LRP11: variants seen among roughly 807,000 people sequenced by gnomAD.
The protein encoded by LRP11 is LDL receptor related protein 11.
LRP11 carries 25 observed loss-of-function variants against 43.1 expected under a neutral mutation model. That is an observed-to-expected ratio of 0.58 (90% confidence interval 0.42 to 0.81). LRP11 has a LOEUF of 0.81. LRP11 is among the 30% of genes least tolerant of loss of function. The probability of loss-of-function intolerance (pLI) is 0.00; values close to 1 mark genes in which losing one functional copy is unlikely to be tolerated. For synonymous variants in LRP11, 316 were observed against 299.4 expected (o/e 1.06, Z -0.57); for missense variants, 623 against 665.1 (o/e 0.94, Z 0.70).
chr6:149,829,955 A>G (rs1776386809), intron 5 of LRP11, among the ~76,000 whole-genome samples: 1 of 151,924 alleles, frequency 6.6e-6, no homozygotes, highest in Non-Finnish European at 1.5e-5. Context: ...TTATATTTAC[A>G]TATAATATCT....
rs552455856 is a variant in LRP11, at chr6:149,820,855, G to T, written c.1349-152C>A. The T allele has an allele frequency of 1.9e-4, 99 of 532,722 alleles. No homozygotes were observed. In the Middle Eastern group the frequency reaches 1.9e-3, roughly 10 times the overall value. The allele number at this position is 532,722 out of a possible 1,614,324, so 33.0% of individuals were successfully genotyped here. A position where few individuals can be genotyped will look rare whatever the true frequency, so the allele number is the denominator to read the frequency against. Reference sequence around the variant, plus strand: ...ATCACTATTTTGCAGATTAACTAAGGTGTACCAAGGTTAAGTAATTTGCTT... The same window carrying T: ...ATCACTATTTTGCAGATTAACTAAGTTGTACCAAGGTTAAGTAATTTGCTT... On this transcript the variant is annotated intron_variant, in intron 6 of 6. Transcript: ENST00000239367.
chr6:149,851,329 A>C (rs1484115208), intron 2 of LRP11, among the ~76,000 whole-genome samples: 1 of 152,170 alleles, frequency 6.6e-6, no homozygotes, highest in Non-Finnish European at 1.5e-5. Flanking sequence ...CCAAAGCTTA[A>C]ATATGGGGTT....
intron 6 of LRP11, among the ~76,000 whole-genome samples, chr6:149,821,735 G>A (rs1301798798): frequency 6.6e-6 from 1 of 152,164 alleles, no homozygotes; most frequent in African/African-American, 2.4e-5. Flanking sequence ...AGATTATATG[G>A]TGGAACTGTT....
At chr6:149,848,460 C>T (rs904186623) in intron 2 of LRP11, among the ~76,000 whole-genome samples, 3 of 152,108 alleles carry the variant, frequency 2.0e-5, no homozygotes, top group African/African-American at 7.2e-5. Context: ...TTCACAATAG[C>T]AAAGATATGG....
At chr6:149,863,116 T>G (rs1452073932) in intron 1 of LRP11, among the ~76,000 whole-genome samples, 1 of 152,150 alleles carries the variant, frequency 6.6e-6, no homozygotes, top group East Asian at 1.9e-4. Flanking sequence ...AAACAAACTT[T>G]TTTCTCTCAG....
chr6:149,820,453 A>G lies in LRP11; in HGVS notation c.*96T>C. Reference sequence around the variant, plus strand: ...GGGATTTGCAGAATCTTCTGGCCCAATTAAAAACAAAAGAAGCTGTAAATA... The same window carrying G: ...GGGATTTGCAGAATCTTCTGGCCCAGTTAAAAACAAAAGAAGCTGTAAATA... On this transcript the variant is annotated 3_prime_UTR_variant, in exon 7 of 7. Transcript: ENST00000239367. 2 of 563,402 alleles carry G rather than the reference A, an allele frequency of 3.5e-6. No individual in the cohort carries two copies. The highest frequency in any genetic ancestry group is 5.8e-5 in the East Asian group (2 of 34,452). The allele number at this position is 563,402 out of a possible 1,614,324, so 34.9% of individuals were successfully genotyped here.
intron 5 of LRP11, among the ~76,000 whole-genome samples, chr6:149,831,170 C>T (rs891468651): frequency 6.6e-6 from 1 of 152,230 alleles, no homozygotes; most frequent in Non-Finnish European, 1.5e-5. Context: ...ATTATGTTTA[C>T]TATGCATGGC....
chr6:149,863,965 T>TGACGCGGCGGTAGCC lies in LRP11; in HGVS notation c.41_55dup (p.Arg14_Arg18dup). On this transcript the variant is annotated inframe_insertion, in exon 1 of 7. Coordinates refer to ENST00000239367, the MANE Select transcript of LRP11 (RefSeq NM_032832.6). ...CAGTAGCAGCCCGCGCAGCGCCCCG[T>TGACGCGGCGGTAGCC]GACGCGGCGGTAGCCGGCGCTGCGA... The TGACGCGGCGGTAGCC allele has an allele frequency of 7.0e-7, 1 of 1,426,332 alleles. No homozygotes were observed. Among genetic ancestry groups the TGACGCGGCGGTAGCC allele is most frequent in the Non-Finnish European group, 9.1e-7 (1 of 1,096,722 alleles). The allele number at this position is 1,426,332 out of a possible 1,614,324, so 88.4% of individuals were successfully genotyped here.
Position 149,853,050 on chromosome 6 carries a change from G to C in LRP11, c.724C>G (p.Gln242Glu). Residue 242 changes from glutamine (Q) to glutamate (E), a missense_variant, in exon 2 of 7, where the codon CAG becomes GAG. Coordinates refer to ENST00000239367, the MANE Select transcript of LRP11 (RefSeq NM_032832.6). ...RESTDDHAIV[Q>E]YEWALLQGDP... is the part of the protein sequence containing the mutation. The stretch of plus-strand genomic sequence containing the variant: ...CCCTGCAGCAGTGCCCACTCATACT[G>C]GACGATGGCGTGGTCATCTGTGCTC... 1 of 1,612,702 alleles carries C rather than the reference G, an allele frequency of 6.2e-7. No homozygotes were observed. Among genetic ancestry groups the C allele is most frequent in the Non-Finnish European group, 8.5e-7 (1 of 1,179,316 alleles).
In LRP11 at chr6:149,826,255, G is replaced by A; in HGVS notation, c.1348+9C>T. 6.2e-7 allele frequency: 1 copy of A among 1,603,316 alleles called. No individual in the cohort carries two copies. Among genetic ancestry groups the A allele is most frequent in the Non-Finnish European group, 8.5e-7 (1 of 1,170,132 alleles). Reference sequence around the variant, plus strand: ...CAGTCTGCAAAGGGTTTCCAAGGTGGACATTTACCTGTTTCTGGGGCTGGG... The same window carrying A: ...CAGTCTGCAAAGGGTTTCCAAGGTGAACATTTACCTGTTTCTGGGGCTGGG... On this transcript the variant is annotated intron_variant, in intron 6 of 6. Coordinates refer to ENST00000239367, the MANE Select transcript of LRP11 (RefSeq NM_032832.6).
chr6:149,827,618 A>G lies in LRP11; in HGVS notation c.1253-1259T>C, dbSNP rs937511066. 6.6e-6 allele frequency among the ~76,000 whole-genome samples: 1 copy of G among 152,178 alleles called. No individual in the cohort carries two copies. Among genetic ancestry groups the G allele is most frequent in the African/African-American group, 2.4e-5 (1 of 41,440 alleles). ...ACTCTGAGCTCAGACAGAAGGAGAG[A>G]GATGAGGAAAGCACAGCCATTGCTC... On this transcript the variant is annotated intron_variant, in intron 5 of 6. Transcript: ENST00000239367. The surrounding 1 kb of genome is among the most constrained non-coding windows in gnomAD (Gnocchi z 4.2).
At position 149,863,120 on chromosome 6, in the gene LRP11, C is replaced by G. The variant is rs149464398; in HGVS notation, c.613+288G>C. Among the ~76,000 whole-genome samples, 63 of 152,276 alleles carry G rather than the reference C, an allele frequency of 4.1e-4. 1 individual carries two copies. The East Asian group carries it at 0.011, about 27-fold the overall frequency. On this transcript the variant is annotated intron_variant, in intron 1 of 6. Transcript: ENST00000239367. ...CCATGAGACTAAAACAAACTTTTTT[C>G]TCTCAGCATTTCTCCCCTTTTAAGT...
intron 5 of LRP11, among the ~76,000 whole-genome samples, chr6:149,830,060 G>A (rs182439212): frequency 6.7e-6 from 1 of 148,660 alleles, no homozygotes; most frequent in Admixed American, 6.7e-5. Flanking sequence ...GCCCAGGCTG[G>A]AGTGCACTGG....
rs886769956 is a variant in LRP11 at position 149,819,535 on chromosome 6, A to T, written c.*1014T>A. On this transcript the variant is annotated 3_prime_UTR_variant, in exon 7 of 7. Coordinates refer to ENST00000239367, the MANE Select transcript of LRP11 (RefSeq NM_032832.6). ...CTGCTTTATGGTCTAGAAATACGTA[A>T]GCCTGGCATTAGCTGATGGCACATT... 6 of 152,628 alleles carry T rather than the reference A, an allele frequency of 3.9e-5. No individual in the cohort carries two copies. The highest frequency in any genetic ancestry group is 7.3e-5 in the Non-Finnish European group (5 of 68,038). 9.5% of individuals were successfully genotyped at this position (152,628 alleles called of 1,614,324 possible). A position where few individuals can be genotyped will look rare whatever the true frequency, so the allele number is the denominator to read the frequency against.
At chr6:149,825,863 G>A (rs548451176) in intron 6 of LRP11, among the ~76,000 whole-genome samples, 20 of 152,158 alleles carry the variant, frequency 1.3e-4, no homozygotes, top group African/African-American at 3.4e-4. Context: ...TGCCCAGGCC[G>A]GTCTTGAACT....
In LRP11 at chr6:149,843,059, G is replaced by A. The variant is rs1278470316; in HGVS notation, c.837C>T (p.Thr279=). ...LQEGTYTFQL[T]VTDTAGQRSS... ...TTCTCTGCCCGGCAGTGTCCGTCACGGTCAGCTGGAAGGTGTAGGTTCCCT... is the reference window on the plus strand; with the variant it reads ...TTCTCTGCCCGGCAGTGTCCGTCACAGTCAGCTGGAAGGTGTAGGTTCCCT... The change falls in exon 3 of 7, where the codon ACC becomes ACT. Residue 279 remains threonine (T), a synonymous_variant. Coordinates refer to ENST00000239367, the MANE Select transcript of LRP11 (RefSeq NM_032832.6). 13 of 1,614,198 alleles carry A rather than the reference G, an allele frequency of 8.1e-6. No individual in the cohort carries two copies. The highest frequency in any genetic ancestry group is 6.7e-5 in the East Asian group (3 of 44,872).
chr6:149,831,387 G>A (rs139957975), intron 5 of LRP11, among the ~76,000 whole-genome samples: 182 of 152,248 alleles, frequency 1.2e-3, no homozygotes, highest in African/African-American at 4.3e-3. Context: ...TTCTTTCCTC[G>A]GGGTAGCTTG....
intron 6 of LRP11, chr6:149,826,018 C>T (rs1776334402): frequency 4.3e-6 from 2 of 467,014 alleles, no homozygotes; most frequent in South Asian, 3.2e-5. Flanking sequence ...ACAAGTATGA[C>T]ATTTTCCACA....
intron 4 of LRP11, among the ~76,000 whole-genome samples, chr6:149,837,038 A>C (rs577887023): frequency 5.3e-5 from 8 of 152,276 alleles, no homozygotes; most frequent in African/African-American, 1.2e-4. Context: ...AAAATTATCA[A>C]AACAAAGCAT....
Sources: gnomAD v4.1 joint callset for allele counts (sites outside exome capture counted in the v4.1 genomes callset) on GRCh38, gnomAD v4.1.1 for gene constraint, Gnocchi (gnomAD v3.1) non-coding constraint, MANE v1.5 for transcripts, NCBI Gene and HGNC (gene_info 2026-07-23, HGNC 2026-07-21) for gene names.